MBD5: variants seen among roughly 807,000 people sequenced by gnomAD.
MBD5 encodes the protein methyl-CpG binding domain protein 5, also known as methyl-CpG-binding domain protein 5.
In MBD5, 13 loss-of-function variants were observed where a neutral mutation model predicts 117.3. The ratio of observed to expected loss-of-function variants is 0.11; its 90% CI spans 0.07 to 0.18. The LOEUF is 0.18. MBD5 is among the 10% of genes least tolerant of loss of function. The probability of loss-of-function intolerance (pLI) is 1.00; values close to 1 mark genes in which losing one functional copy is unlikely to be tolerated. For missense variants in MBD5, 1,879 were observed against 2,093.8 expected (o/e 0.90, Z 2.00); for synonymous variants, 727 against 766.4 (o/e 0.95, Z 0.85).
At chr2:148,502,655 G>T in intron 12 of MBD5, 146 bp downstream of exon 12, 1 of 762,852 alleles carries the variant, frequency 1.3e-6, no homozygotes, top group Non-Finnish European at 2.3e-6. Flanking sequence ...GACCATTATA[G>T]ACAAGCCAAA....
intron 3 of MBD5, among the ~76,000 whole-genome samples, chr2:148,274,734 T>G (rs994083766): frequency 3.3e-5 from 5 of 151,602 alleles, no homozygotes; most frequent in African/African-American, 1.2e-4. Context: ...TGTTTTTTTT[T>G]TTTTTGAGAC....
At chr2:148,304,295 C>T (rs1701840503) in intron 3 of MBD5, among the ~76,000 whole-genome samples, 1 of 152,082 alleles carries the variant, frequency 6.6e-6, no homozygotes, top group African/African-American at 2.4e-5. Flanking sequence ...TGCAGGCACA[C>T]AACAGTTAAG....
chr2:148,489,711 C>T lies in MBD5; in HGVS notation c.4079C>T (p.Thr1360Ile). 1 of 1,614,184 alleles carries T rather than the reference C, an allele frequency of 6.2e-7. No homozygotes were observed. Among genetic ancestry groups the T allele is most frequent in the Non-Finnish European group, 8.5e-7 (1 of 1,180,036 alleles). Residue 1360 changes from threonine (T) to isoleucine (I), a missense_variant, in exon 11 of 14, where the codon ACT (threonine) becomes ATT (isoleucine). Around this residue, in one of 4 missense-constraint regions of MBD5, gnomAD observed 1,666 missense variants for 1,792.2 expected, o/e 0.93. Transcript: ENST00000642680. ...GCTCTGAGTGCCATGAGTGCCTTCA[C>T]TGCCTCAATTGGTGACCCATTAAAT... ...IPALSAMSAFTASIGDPLNLS... is the reference protein window; with the variant it reads ...IPALSAMSAFIASIGDPLNLS...
chr2:148,250,182 G>A (rs10198081), intron 3 of MBD5, among the ~76,000 whole-genome samples: 12,151 of 152,166 alleles, frequency 0.08, 717 homozygotes, highest in Admixed American at 0.12. Flanking sequence ...GGAGCTGGAG[G>A]CCATTATCCT....
intron 1 of MBD5, among the ~76,000 whole-genome samples, chr2:148,159,896 G>T (rs1206192584): frequency 6.6e-6 from 1 of 152,190 alleles, no homozygotes; most frequent in African/African-American, 2.4e-5. Flanking sequence ...GATCCAGGCA[G>T]TCTGAACTTG....
chr2:148,265,930 AG>A (rs1304371866), intron 3 of MBD5, among the ~76,000 whole-genome samples: 1 of 93,528 alleles, frequency 1.1e-5, no homozygotes, highest in Non-Finnish European at 2.6e-5. Context: ...TTCAGGAAAG[AG>A]AAAAAAATGC....
At chr2:148,417,366 T>C (rs1344635546) in intron 4 of MBD5, among the ~76,000 whole-genome samples, 1 of 146,210 alleles carries the variant, frequency 6.8e-6, no homozygotes, top group African/African-American at 2.5e-5. Context: ...CTTGAACTCC[T>C]GAGCTCAAGT....
At chr2:148,459,358 G>T (rs1018030610) in intron 5 of MBD5, among the ~76,000 whole-genome samples, 39 of 152,060 alleles carry the variant, frequency 2.6e-4, no homozygotes, top group African/African-American at 9.2e-4. Context: ...GCGTGTAATA[G>T]TAAAAGTGAA....
intron 4 of MBD5, among the ~76,000 whole-genome samples, chr2:148,354,919 A>C (rs1048724642): frequency 6.6e-6 from 1 of 151,938 alleles, no homozygotes; most frequent in Non-Finnish European, 1.5e-5. Flanking sequence ...GTGTCTGTTC[A>C]TATCCTTTGC....
chr2:148,326,771 G>A (rs1380008307), intron 3 of MBD5, among the ~76,000 whole-genome samples: 1 of 151,800 alleles, frequency 6.6e-6, no homozygotes, highest in Admixed American at 6.6e-5. Flanking sequence ...GCACACTGAT[G>A]GGTCTTGACT....
intron 8 of MBD5, among the ~76,000 whole-genome samples, chr2:148,477,031 A>C (rs1281909529): frequency 6.6e-6 from 1 of 152,154 alleles, no homozygotes; most frequent in East Asian, 1.9e-4. Context: ...TTACTTGAGT[A>C]AACTGAAAAA....
chr2:148,444,354 C>T (rs1448640641), intron 4 of MBD5, among the ~76,000 whole-genome samples: 1 of 151,264 alleles, frequency 6.6e-6, no homozygotes, highest in Admixed American at 6.6e-5. Context: ...TTTGATAATA[C>T]TTTGTCAAGA....
In MBD5 at chr2:148,470,052, G is replaced by C. The variant is rs767521281; in HGVS notation, c.2109G>C (p.Gln703His). The change falls in exon 8 of 14, where the codon CAG becomes CAC. Residue 703 changes from glutamine (Q) to histidine (H), a missense_variant. Gln to His is a conservative substitution (Grantham distance 24). Coordinates refer to ENST00000642680, the MANE Select transcript of MBD5 (RefSeq NM_001378120.1). ...CATTTCCCATCAGTTCAATGTCTCAGTTACTACAGTCTATGAGTTGTCAAA... is the reference window on the plus strand; with the variant it reads ...CATTTCCCATCAGTTCAATGTCTCACTTACTACAGTCTATGAGTTGTCAAA... ...QGSFPISSMS[Q>H]LLQSMSCQSS... 8.7e-6 allele frequency: 14 copies of C among 1,613,902 alleles called. No homozygotes were observed. In the South Asian group the frequency reaches 1.5e-4, roughly 18 times the overall value.
chr2:148,262,012 G>A (rs1202347422), intron 3 of MBD5, among the ~76,000 whole-genome samples: 1 of 152,052 alleles, frequency 6.6e-6, no homozygotes, highest in Non-Finnish European at 1.5e-5. Flanking sequence ...ATGTGTTGTG[G>A]CACCCCAAAA....
chr2:148,480,694 G>T (rs1205226743), intron 8 of MBD5, among the ~76,000 whole-genome samples: 4 of 151,992 alleles, frequency 2.6e-5, no homozygotes, highest in Non-Finnish European at 4.4e-5. Context: ...TTAAGGTTTT[G>T]ATTATTTTGT....
chr2:148,201,752 C>T (rs1699148469), intron 2 of MBD5, among the ~76,000 whole-genome samples: 1 of 152,090 alleles, frequency 6.6e-6, no homozygotes, highest in Admixed American at 6.5e-5. Flanking sequence ...GGTCCCCCAC[C>T]TGAAGTTGGG....
chr2:148,201,786 G>T (rs931917938), intron 2 of MBD5, among the ~76,000 whole-genome samples: 1 of 152,166 alleles, frequency 6.6e-6, no homozygotes, highest in Non-Finnish European at 1.5e-5. Context: ...AGTGTGGCTG[G>T]ATCTGAGGCT....
chr2:148,486,560 T>G (rs1681347101), intron 10 of MBD5, among the ~76,000 whole-genome samples: 1 of 152,016 alleles, frequency 6.6e-6, no homozygotes, highest in East Asian at 1.9e-4. Flanking sequence ...TAAAGACAAA[T>G]GACAACCTGG....
intron 1 of MBD5, among the ~76,000 whole-genome samples, chr2:148,122,285 A>G (rs1157394105): frequency 6.6e-6 from 1 of 152,150 alleles, no homozygotes; most frequent in African/African-American, 2.4e-5. Context: ...TTAACATTCT[A>G]ATTGTCTGGT....
Sources: allele counts gnomAD v4.1 joint callset (sites outside exome capture counted in the v4.1 genomes callset), GRCh38; gene constraint gnomAD v4.1.1; regional missense constraint gnomAD v4.1.1; transcripts MANE v1.5; gene names NCBI Gene and HGNC (gene_info 2026-07-23, HGNC 2026-07-21).